HERC1: variants seen among roughly 807,000 people sequenced by gnomAD.
HERC1 encodes the protein HECT and RLD domain containing E3 ubiquitin protein ligase family member 1, also known as probable E3 ubiquitin-protein ligase HERC1.
In HERC1, 160 loss-of-function variants were observed where a neutral mutation model predicts 554.3. The observed-to-expected ratio is 0.29, with a 90% CI of 0.25 to 0.33. The LOEUF is 0.33. Among genes scored for constraint, HERC1 ranks in the 10% least tolerant of loss-of-function variants. HERC1 has a pLI of 1.00. For synonymous variants in HERC1, 2,175 were observed against 2,131.7 expected (o/e 1.02, Z -0.56); for missense variants, 4,919 against 5,918.5 (o/e 0.83, Z 5.54).
At chr15:63,614,495 C>A (rs1243880447) in intron 76 of HERC1, among the ~76,000 whole-genome samples, 1 of 152,194 alleles carries the variant, frequency 6.6e-6, no homozygotes, top group Non-Finnish European at 1.5e-5. Flanking sequence ...AATAGCATCA[C>A]TGACAAGACC....
At chr15:63,733,609 T>C (rs1440587848) in intron 13 of HERC1, among the ~76,000 whole-genome samples, 1 of 152,176 alleles carries the variant, frequency 6.6e-6, no homozygotes, top group Non-Finnish European at 1.5e-5. Context: ...TCACAGCACT[T>C]TGGGAGGCCA....
chr15:63,709,247 C>G (rs951869758), intron 24 of HERC1, among the ~76,000 whole-genome samples: 1 of 151,636 alleles, frequency 6.6e-6, no homozygotes, highest in Non-Finnish European at 1.5e-5. Flanking sequence ...TGGGCTCAAG[C>G]AATCCTCCCA....
chr15:63,696,060 C>T (rs917251711), intron 27 of HERC1, 64 bp downstream of exon 27: 1 of 1,222,532 alleles, frequency 8.2e-7, no homozygotes, highest in East Asian at 2.4e-5. Flanking sequence ...AAAAGTTTCA[C>T]ATTATTAAAG....
intron 1 of HERC1, among the ~76,000 whole-genome samples, chr15:63,782,974 T>C (rs1028310526): frequency 2.0e-5 from 3 of 152,244 alleles, no homozygotes; most frequent in Non-Finnish European, 4.4e-5. Context: ...GATAAAATTT[T>C]AACGGATGAG....
chr15:63,742,951 G>A lies in HERC1; in HGVS notation c.2520+3967C>T, dbSNP rs553662427. ...GCTGGTCTATAGTTTTTCTTTTCTT[G>A]CAATGTTTTGGTCCACAATTAGGGT... On this transcript the variant is annotated intron_variant, in intron 12 of 77. Transcript: ENST00000443617. 5.6e-3 allele frequency among the ~76,000 whole-genome samples: 854 copies of A among 152,192 alleles called. 6 individuals carry two copies. Among genetic ancestry groups the A allele is most frequent in the African/African-American group, 0.019 (779 of 41,522 alleles).
In HERC1 at chr15:63,655,890, AAACTTT is replaced by A; in HGVS notation, c.9930_9935del (p.Lys3311_Phe3312del). ...CAATTCCTCGGAGAAAGCTGGGTAG[AAACTTT>A]CGCTGAATTGAGTCATCAACTGTGG... On this transcript the variant is annotated inframe_deletion, in exon 50 of 78. Coordinates refer to ENST00000443617, the MANE Select transcript of HERC1 (RefSeq NM_003922.4). 1.9e-6 allele frequency: 3 copies of A among 1,612,708 alleles called. No homozygotes were observed. Among genetic ancestry groups the A allele is most frequent in the Non-Finnish European group, 2.5e-6 (3 of 1,179,390 alleles).
intron 51 of HERC1, 111 bp from the exon 52 acceptor site, chr15:63,652,652 TC>T (rs1258674504): frequency 1.1e-6 from 1 of 880,296 alleles, no homozygotes; most frequent in Non-Finnish European, 1.7e-6. Context: ...AAGAAAAGCA[TC>T]CATTCCTTTC....
Position 63,718,817 on chromosome 15 carries a change from T to A in HERC1, c.3823A>T (p.Thr1275Ser). 1 of 1,613,726 alleles carries A rather than the reference T, an allele frequency of 6.2e-7. No homozygotes were observed. Among genetic ancestry groups the A allele is most frequent in the Non-Finnish European group, 8.5e-7 (1 of 1,179,684 alleles). Residue 1275 changes from threonine (T) to serine (S), a missense_variant, in exon 20 of 78, where the codon ACA becomes TCA. Around this residue, in one of 11 missense-constraint regions of HERC1, gnomAD observed 1,121 missense variants for 1,244.0 expected, o/e 0.90. Transcript: ENST00000443617. This position sits in a 1 kb window ranked among gnomAD's most constrained non-coding sequence, Gnocchi z 4.2. ...RFVLAALLKH[T>S]NLLSQACGES... Reference sequence around the variant, plus strand: ...CCACATGCTTGACTAAGTAAATTTGTGTGTTTCAGAAGAGCTGCAAGAACA... The same window carrying A: ...CCACATGCTTGACTAAGTAAATTTGAGTGTTTCAGAAGAGCTGCAAGAACA...
intron 37 of HERC1, among the ~76,000 whole-genome samples, chr15:63,675,491 A>G (rs1489996213): frequency 6.6e-6 from 1 of 152,214 alleles, no homozygotes; most frequent in Non-Finnish European, 1.5e-5. Flanking sequence ...CACTGATACA[A>G]CTAAACAAAT....
chr15:63,717,918 GACA>G (rs2073634527), intron 21 of HERC1, among the ~76,000 whole-genome samples: 1 of 152,050 alleles, frequency 6.6e-6, no homozygotes, highest in African/African-American at 2.4e-5. Context: ...TCCAATGGTA[GACA>G]ACTCTAATCA....
In HERC1 at chr15:63,718,121, C is replaced by CACAT. The variant is rs140819055; in HGVS notation, c.3978+452_3978+453insATGT. 0.16 allele frequency among the ~76,000 whole-genome samples: 23,120 copies of CACAT among 142,856 alleles called. 2,384 individuals carry two copies. The highest frequency in any genetic ancestry group is 0.22 in the African/African-American group (8,278 of 38,032). 93.7% of individuals were successfully genotyped at this position (142,856 alleles called of 152,430 possible). A position where few individuals can be genotyped will look rare whatever the true frequency, so the allele number is the denominator to read the frequency against. On this transcript the variant is annotated intron_variant, in intron 21 of 77. Coordinates refer to ENST00000443617, the MANE Select transcript of HERC1 (RefSeq NM_003922.4). The surrounding 1 kb of genome is among the most constrained non-coding windows in gnomAD (Gnocchi z 4.2). ...ACACACACACACACACACACACACA[C>CACAT]ACAACCCCCTCCTTGGTTTTCACTT...
intron 54 of HERC1, 121 bp from the exon 55 acceptor site, chr15:63,648,320 G>T: frequency 1.1e-6 from 1 of 940,502 alleles, no homozygotes; most frequent in Non-Finnish European, 1.6e-6. Flanking sequence ...TTTCCAAATA[G>T]CTCTTTAATG....
At chr15:63,789,689 T>C (rs1362124356) in intron 1 of HERC1, among the ~76,000 whole-genome samples, 2 of 151,468 alleles carry the variant, frequency 1.3e-5, no homozygotes, top group Admixed American at 1.3e-4. Flanking sequence ...TCCCAGGTAT[T>C]TGGAAGGCTG....
intron 1 of HERC1, among the ~76,000 whole-genome samples, chr15:63,809,095 G>A (rs898314800): frequency 6.6e-6 from 1 of 151,992 alleles, no homozygotes; most frequent in African/African-American, 2.4e-5. Flanking sequence ...ATGATTTTAA[G>A]GAGAAAAAAA....
intron 74 of HERC1, among the ~76,000 whole-genome samples, chr15:63,617,547 T>C (rs950686434): frequency 2.6e-5 from 4 of 152,208 alleles, no homozygotes; most frequent in Admixed American, 1.3e-4. Flanking sequence ...CTGGGTCAAA[T>C]GGTATTTCTA....
Position 63,608,796 on chromosome 15 carries a change from A to G in HERC1, c.*285T>C, listed in dbSNP as rs1422180127. ...TTACAAAAATGTACCATTCCCAACTAAAAATGCACCAAAATGGTTTCATGC... is the reference window on the plus strand; with the variant it reads ...TTACAAAAATGTACCATTCCCAACTGAAAATGCACCAAAATGGTTTCATGC... On this transcript the variant is annotated 3_prime_UTR_variant, in exon 78 of 78. Coordinates refer to ENST00000443617, the MANE Select transcript of HERC1 (RefSeq NM_003922.4). 1 of 259,000 alleles carries G rather than the reference A, an allele frequency of 3.9e-6. No homozygotes were observed. Among genetic ancestry groups the G allele is most frequent in the South Asian group, 7.8e-5 (1 of 12,808 alleles). 16.0% of individuals were successfully genotyped at this position (259,000 alleles called of 1,614,324 possible).
chr15:63,611,804 A>G (rs2067605357), intron 77 of HERC1, among the ~76,000 whole-genome samples: 1 of 152,196 alleles, frequency 6.6e-6, no homozygotes, highest in Admixed American at 6.5e-5. Context: ...GATTTTTTTC[A>G]TTAATCTGGA....
At chr15:63,769,173 T>G (rs1001035243) in intron 2 of HERC1, among the ~76,000 whole-genome samples, 8 of 152,092 alleles carry the variant, frequency 5.3e-5, no homozygotes, top group African/African-American at 1.7e-4. Context: ...ATCCCAGCAC[T>G]TTGGGAGGCC....
chr15:63,808,285 C>T (rs1192621828), intron 1 of HERC1, among the ~76,000 whole-genome samples: 6 of 152,096 alleles, frequency 3.9e-5, no homozygotes, highest in South Asian at 4.1e-4. Context: ...AGAACATCAA[C>T]GTACTTTTTC....
Sources: gnomAD v4.1 joint callset for allele counts (sites outside exome capture counted in the v4.1 genomes callset) on GRCh38, gnomAD v4.1.1 for gene constraint, gnomAD v4.1.1 regional missense constraint, Gnocchi (gnomAD v3.1) non-coding constraint, MANE v1.5 for transcripts, NCBI Gene and HGNC (gene_info 2026-07-23, HGNC 2026-07-21) for gene names.